The following SNTB1 variants were observed in gnomAD, a reference collection of about 807,000 sequenced individuals.
SNTB1 encodes beta-1-syntrophin.
Under a neutral mutation model 48.9 loss-of-function variants are expected in SNTB1, and 36 were observed. The ratio of observed to expected loss-of-function variants is 0.74; its 90% CI spans 0.56 to 0.97. The LOEUF is 0.97. Ranked by LOEUF, SNTB1 falls within the 50% of genes least tolerant of loss-of-function variation. The pLI, the probability that SNTB1 is intolerant of heterozygous loss-of-function variation, is 0.00. For missense variants in SNTB1, 786 were observed against 703.4 expected, an observed-to-expected ratio of 1.12 and a Z score of -1.33; for synonymous variants, 299 against 294.6, an observed-to-expected ratio of 1.01 and a Z score of -0.15.
At chr8:120,637,775 C>A (rs752432875) in intron 2 of SNTB1, 6 of 366,132 alleles carry the variant, frequency 1.6e-5, no homozygotes, top group Non-Finnish European at 2.7e-5. Context: ...AATGTTTCTG[C>A]GTCATTCTTC....
intron 3 of SNTB1, among the ~76,000 whole-genome samples, chr8:120,580,306 C>T (rs377463905): frequency 1.3e-5 from 2 of 152,326 alleles, no homozygotes; most frequent in Admixed American, 6.5e-5. Flanking sequence ...AGCATGTCTT[C>T]AAAATCTGGC....
intron 2 of SNTB1, among the ~76,000 whole-genome samples, chr8:120,649,035 T>A (rs1395127031): frequency 1.3e-5 from 2 of 148,776 alleles, no homozygotes; most frequent in Non-Finnish European, 3.0e-5. Context: ...TTTAAGCACT[T>A]CTCTGTATTG....
In SNTB1 at chr8:120,575,185, A is replaced by T; in HGVS notation, c.1037T>A (p.Val346Asp). 1 of 1,614,140 alleles carries T rather than the reference A, an allele frequency of 6.2e-7. No individual in the cohort carries two copies. Among genetic ancestry groups the T allele is most frequent in the Non-Finnish European group, 8.5e-7 (1 of 1,180,008 alleles). Reference protein sequence around the residue: ...ESKKQWKPALVVLTEKDLLIY... With the variant: ...ESKKQWKPALDVLTEKDLLIY... ...TAAAAGGTCTTTCTCAGTCAGCACA[A>T]CCAGGGCTGGTTTCCACTGTTTCTT... The change falls in exon 4 of 7, where the codon GTT becomes GAT. Residue 346 changes from valine (V) to aspartate (D), a missense_variant. Physicochemically the swap from Val to Asp is radical, Grantham distance 152. Transcript: ENST00000517992.
At chr8:120,720,990 T>C (rs1587113869) in intron 1 of SNTB1, among the ~76,000 whole-genome samples, 1 of 152,156 alleles carries the variant, frequency 6.6e-6, no homozygotes, top group Non-Finnish European at 1.5e-5. Context: ...TGACTATCAT[T>C]AGGGGATTTA....
At chr8:120,679,840 CA>C (rs1261997501) in intron 2 of SNTB1, among the ~76,000 whole-genome samples, 2 of 146,996 alleles carry the variant, frequency 1.4e-5, no homozygotes, top group Non-Finnish European at 3.0e-5. Context: ...ATGACTTCTC[CA>C]GACTCATCTC....
At chr8:120,726,848 G>T (rs1385182588) in intron 1 of SNTB1, among the ~76,000 whole-genome samples, 2 of 152,148 alleles carry the variant, frequency 1.3e-5, no homozygotes, top group Non-Finnish European at 2.9e-5. Flanking sequence ...TCTGAAACTG[G>T]AATGCTGACA....
chr8:120,768,436 G>A (rs1181595049), intron 1 of SNTB1, among the ~76,000 whole-genome samples: 1 of 152,192 alleles, frequency 6.6e-6, no homozygotes, highest in Non-Finnish European at 1.5e-5. Context: ...AATAACACTA[G>A]CTACATTGGT....
At chr8:120,585,071 A>T (rs997254249) in intron 3 of SNTB1, among the ~76,000 whole-genome samples, 1 of 152,150 alleles carries the variant, frequency 6.6e-6, no homozygotes, top group Non-Finnish European at 1.5e-5. Context: ...AGTGTAAGCC[A>T]CCCAGTTTAT....
chr8:120,708,037 G>T (rs1476429143), intron 1 of SNTB1, among the ~76,000 whole-genome samples: 2 of 151,722 alleles, frequency 1.3e-5, no homozygotes, highest in Non-Finnish European at 2.9e-5. Context: ...CACATTTGAT[G>T]AAAATAAAAA....
At chr8:120,602,746 A>G (rs891287078) in intron 3 of SNTB1, among the ~76,000 whole-genome samples, 1 of 151,830 alleles carries the variant, frequency 6.6e-6, no homozygotes, top group Non-Finnish European at 1.5e-5. Context: ...CTATTTAATT[A>G]AGAGAAAAAT....
chr8:120,735,232 G>A (rs1818923773), intron 1 of SNTB1, among the ~76,000 whole-genome samples: 1 of 152,146 alleles, frequency 6.6e-6, no homozygotes, highest in Non-Finnish European at 1.5e-5. Context: ...GAATAGGAGA[G>A]TGGCTTGGAG....
intron 5 of SNTB1, among the ~76,000 whole-genome samples, chr8:120,543,143 A>G (rs1355827490): frequency 6.6e-6 from 1 of 152,206 alleles, no homozygotes; most frequent in African/African-American, 2.4e-5. Flanking sequence ...TGAGCTGGGC[A>G]AGGGGACTGC....
At chr8:120,604,397 G>C (rs1210934474) in intron 3 of SNTB1, among the ~76,000 whole-genome samples, 1 of 151,774 alleles carries the variant, frequency 6.6e-6, no homozygotes, top group East Asian at 1.9e-4. Flanking sequence ...ATTCTTCTCA[G>C]GTGGTTCATA....
chr8:120,734,734 T>C (rs1406753661), intron 1 of SNTB1, among the ~76,000 whole-genome samples: 1 of 152,142 alleles, frequency 6.6e-6, no homozygotes, highest in Non-Finnish European at 1.5e-5. Context: ...TGGTGGAACC[T>C]CCTCCAGAAA....
At chr8:120,565,852 C>A (rs1310940850) in intron 4 of SNTB1, among the ~76,000 whole-genome samples, 1 of 152,048 alleles carries the variant, frequency 6.6e-6, no homozygotes, top group African/African-American at 2.4e-5. Context: ...AGAGGTAGGA[C>A]CTTTAAGGAG....
intron 1 of SNTB1, among the ~76,000 whole-genome samples, chr8:120,760,076 T>C (rs1309148180): frequency 6.6e-6 from 1 of 152,198 alleles, no homozygotes; most frequent in Admixed American, 6.5e-5. Flanking sequence ...GGCCATGTTT[T>C]AACAGAATTT....
At chr8:120,650,655 C>T (rs1411298100) in intron 2 of SNTB1, among the ~76,000 whole-genome samples, 3 of 152,182 alleles carry the variant, frequency 2.0e-5, no homozygotes, top group African/African-American at 4.8e-5. Context: ...ACCTATATAT[C>T]TCCATTGCCT....
chr8:120,705,038 C>T (rs1012333345), intron 1 of SNTB1, among the ~76,000 whole-genome samples: 6 of 152,162 alleles, frequency 3.9e-5, no homozygotes, highest in African/African-American at 7.2e-5. Context: ...TTTGCCTCCT[C>T]GATCAGCCTA....
intron 4 of SNTB1, among the ~76,000 whole-genome samples, chr8:120,552,443 C>G (rs1748349236): frequency 6.6e-6 from 1 of 152,210 alleles, no homozygotes; most frequent in Admixed American, 6.5e-5. Context: ...ACTGCAACCT[C>G]CACCTCCTGG....
Sources: gnomAD v4.1 joint callset for allele counts (sites outside exome capture counted in the v4.1 genomes callset) on GRCh38, gnomAD v4.1.1 for gene constraint, MANE v1.5 for transcripts, NCBI Gene and HGNC (gene_info 2026-07-23, HGNC 2026-07-21) for gene names.